Variants in MNAT1 observed in about 807,000 individuals in gnomAD.
MNAT1 encodes CDK-activating kinase assembly factor MAT1.
MNAT1 carries 43 observed loss-of-function variants against 42.0 expected under a neutral mutation model. The ratio of observed to expected loss-of-function variants is 1.02; its 90% confidence interval spans 0.80 to 1.32. The LOEUF is 1.32. Among genes scored for constraint, MNAT1 ranks in the 40% most tolerant of loss-of-function variants. MNAT1 has a pLI of 0.00. For synonymous variants in MNAT1, 118 were observed against 120.0 expected (o/e 0.98, Z 0.11); for missense variants, 306 against 350.4 (o/e 0.87, Z 1.01).
intron 7 of MNAT1, among the ~76,000 whole-genome samples, chr14:60,913,487 G>C (rs565242051): frequency 1.3e-5 from 2 of 152,054 alleles, no homozygotes; most frequent in African/African-American, 4.8e-5. Flanking sequence ...GATGATGGTG[G>C]CGTCCAGATG....
intron 7 of MNAT1, among the ~76,000 whole-genome samples, chr14:60,943,003 AGTGTGTGTGTGTGTGT>A (rs138575597): frequency 0.028 from 2,188 of 78,472 alleles, 84 homozygotes; most frequent in Middle Eastern, 0.038. Flanking sequence ...AACCACATGT[AGTGTGTGTGTGTGTGT>A]GTGTGTGTGT....
chr14:60,879,656 T>G, intron 6 of MNAT1, 58 bp from the exon 7 acceptor site: 1 of 1,477,390 alleles, frequency 6.8e-7, no homozygotes, highest in Non-Finnish European at 9.3e-7. Context: ...TGATTATAAA[T>G]AAGTAGCAAT....
chr14:60,854,699 G>C (rs2033911420), intron 6 of MNAT1, among the ~76,000 whole-genome samples: 1 of 152,178 alleles, frequency 6.6e-6, no homozygotes, highest in Admixed American at 6.5e-5. Context: ...GCACCGACCT[G>C]ATGCCAGCCT....
At chr14:60,746,287 G>A (rs1313607647) in intron 1 of MNAT1, among the ~76,000 whole-genome samples, 1 of 152,020 alleles carries the variant, frequency 6.6e-6, no homozygotes, top group East Asian at 1.9e-4. Flanking sequence ...AGGCCGAGGC[G>A]GGTAGATTAC....
chr14:60,904,535 A>G lies in MNAT1; in HGVS notation c.809+24700A>G, dbSNP rs539085304. Among the ~76,000 whole-genome samples the G allele has an allele frequency of 4.5e-4, 68 of 152,228 alleles. No homozygotes were observed. The South Asian group carries it at 0.014, about 31-fold the overall frequency. On this transcript the variant is annotated intron_variant, in intron 7 of 7. Transcript: ENST00000261245. ...TATGTTTCTGCTTGAAGCAGTTGTC[A>G]AACAATCTTCTTTCATCAACAGTCA...
intron 1 of MNAT1, among the ~76,000 whole-genome samples, chr14:60,784,088 C>T (rs1020027153): frequency 6.6e-6 from 1 of 151,704 alleles, no homozygotes. Context: ...CTCACTGCAA[C>T]CTCCGCCTCC....
In MNAT1 at chr14:60,734,846, G is replaced by A. The variant is rs755419101; in HGVS notation, c.-17G>A. The A allele has an allele frequency of 2.9e-5, 46 of 1,613,458 alleles. No individual in the cohort carries two copies. Among genetic ancestry groups the A allele is most frequent in the Non-Finnish European group, 3.9e-5 (46 of 1,179,536 alleles). On this transcript the variant is annotated 5_prime_UTR_variant, in exon 1 of 8. Transcript: ENST00000261245. The surrounding 1 kb of genome is among the most constrained non-coding windows in gnomAD (Gnocchi z 4.3). ...CTGAAACAGGCGCCTGCGAGAGTCTGTAGGAGGGAAACCGCCATGGACGAT... is the reference window on the plus strand; with the variant it reads ...CTGAAACAGGCGCCTGCGAGAGTCTATAGGAGGGAAACCGCCATGGACGAT...
At chr14:60,856,351 A>T (rs974186655) in intron 6 of MNAT1, among the ~76,000 whole-genome samples, 4 of 152,176 alleles carry the variant, frequency 2.6e-5, no homozygotes, top group Non-Finnish European at 1.5e-5. Context: ...GTCAAAGTCT[A>T]ATCCAGGTTG....
chr14:60,837,437 G>A (rs561616857), intron 6 of MNAT1, among the ~76,000 whole-genome samples: 35 of 152,234 alleles, frequency 2.3e-4, no homozygotes, highest in African/African-American at 7.7e-4. Context: ...CGTTCCTCAC[G>A]GTGCAGTCCC....
At chr14:60,964,623 T>C (rs1451174316) in intron 7 of MNAT1, among the ~76,000 whole-genome samples, 1 of 152,212 alleles carries the variant, frequency 6.6e-6, no homozygotes, top group Admixed American at 6.5e-5. Flanking sequence ...ATTGGCTAAA[T>C]AGTCAGAGCA....
intron 6 of MNAT1, among the ~76,000 whole-genome samples, chr14:60,874,256 A>G (rs911588368): frequency 7.2e-5 from 11 of 152,168 alleles, no homozygotes; most frequent in African/African-American, 2.4e-5. Context: ...TTAGCCTTGG[A>G]GTATTTTCTA....
At chr14:60,962,171 ATATT>A (rs2036605507) in intron 7 of MNAT1, among the ~76,000 whole-genome samples, 1 of 152,234 alleles carries the variant, frequency 6.6e-6, no homozygotes, top group African/African-American at 2.4e-5. Context: ...AATAAAAACA[ATATT>A]TATGCCATTT....
chr14:60,790,584 G>A (rs1212689335), intron 1 of MNAT1, among the ~76,000 whole-genome samples: 1 of 152,122 alleles, frequency 6.6e-6, no homozygotes, highest in East Asian at 1.9e-4. Flanking sequence ...TGTATGTCAT[G>A]ATTATCAATA....
intron 7 of MNAT1, among the ~76,000 whole-genome samples, chr14:60,942,798 C>CCT (rs2036197312): frequency 6.6e-6 from 1 of 152,074 alleles, no homozygotes; most frequent in Admixed American, 6.5e-5. Context: ...AAGAAATAAG[C>CCT]CTCTGGTAAA....
At chr14:60,930,399 A>C (rs2035861846) in intron 7 of MNAT1, among the ~76,000 whole-genome samples, 1 of 151,986 alleles carries the variant, frequency 6.6e-6, no homozygotes, top group African/African-American at 2.4e-5. Context: ...TGACTTCTTA[A>C]ACTGAAGAGA....
chr14:60,794,563 G>C (rs797011967), intron 1 of MNAT1, among the ~76,000 whole-genome samples: 2 of 147,312 alleles, frequency 1.4e-5, no homozygotes, highest in African/African-American at 2.5e-5. Flanking sequence ...CTACTGAGGA[G>C]CCTGATGTAG....
intron 6 of MNAT1, among the ~76,000 whole-genome samples, chr14:60,857,015 A>G (rs1414064496): frequency 1.3e-5 from 2 of 152,080 alleles, no homozygotes; most frequent in African/African-American, 4.8e-5. Flanking sequence ...GTCTTTAAGA[A>G]TTTTGCTAAA....
At chr14:60,805,838 A>G (rs934422551) in intron 3 of MNAT1, among the ~76,000 whole-genome samples, 4 of 152,164 alleles carry the variant, frequency 2.6e-5, no homozygotes, top group African/African-American at 7.2e-5. Context: ...TGCTGTTACC[A>G]TTCATGTGTG....
intron 6 of MNAT1, among the ~76,000 whole-genome samples, chr14:60,835,315 G>A (rs1282552790): frequency 3.3e-5 from 5 of 152,134 alleles, no homozygotes; most frequent in South Asian, 2.1e-4. Flanking sequence ...TATTTTGCCC[G>A]TTAGTTGAGC....
Sources: allele counts gnomAD v4.1 joint callset (sites outside exome capture counted in the v4.1 genomes callset), GRCh38; gene constraint gnomAD v4.1.1; non-coding constraint Gnocchi (gnomAD v3.1); transcripts MANE v1.5; gene names NCBI Gene and HGNC (gene_info 2026-07-23, HGNC 2026-07-21).